Variants in ACAN observed in about 807,000 individuals in gnomAD.
ACAN encodes the protein aggrecan, also known as aggrecan core protein.
In ACAN, 47 loss-of-function variants were observed where a neutral mutation model predicts 169.1. The ratio of observed to expected loss-of-function variants is 0.28; its 90% confidence interval spans 0.22 to 0.35. The LOEUF (loss-of-function observed/expected upper bound fraction) is 0.35. Among genes scored for constraint, ACAN ranks in the 10% least tolerant of loss-of-function variants. The probability of loss-of-function intolerance (pLI) is 1.00; values close to 1 mark genes in which losing one functional copy is unlikely to be tolerated. For missense variants in ACAN, 2,716 were observed against 2,759.9 expected (o/e 0.98, Z 0.36); for synonymous variants, 1,115 against 1,112.2 (o/e 1.00, Z -0.05).
chr15:88,822,387 C>T (rs1040374837), intron 1 of ACAN, among the ~76,000 whole-genome samples: 3 of 152,134 alleles, frequency 2.0e-5, no homozygotes, highest in Non-Finnish European at 4.4e-5. Context: ...ATCCCAGGAG[C>T]GTGAACACTA....
At position 88,858,570 on chromosome 15, in the gene ACAN, C is replaced by T. The variant is rs753770648; in HGVS notation, c.5985C>T (p.Ser1995=). The T allele has an allele frequency of 1.1e-5, 18 of 1,613,806 alleles. No homozygotes were observed. The highest frequency in any genetic ancestry group is 3.3e-5 in the Admixed American group (2 of 60,020). Residue 1995 remains serine, a synonymous_variant, in exon 12 of 19, where the codon AGC becomes AGT. Transcript: ENST00000560601. The surrounding 1 kb of genome is among the most constrained non-coding windows in gnomAD (Gnocchi z 4.0). ...SGLQSGLIEP[S]GEPPGTPYFS... ...TGCAGTCCGGGCTGATAGAGCCCAG[C>T]GGAGAGCCACCAGGTACTCCATATT...
rs548360864 is a variant in ACAN at position 88,834,472 on chromosome 15, T to A, written c.-7-1728T>A. The stretch of plus-strand genomic sequence containing the variant: ...GGTGCCCCCCTCATCCCCAAATCCA[T>A]CCAGCCCCAGCCGGCGGTGACTGAG... On this transcript the variant is annotated intron_variant, in intron 1 of 18. Transcript: ENST00000560601. Among the ~76,000 whole-genome samples, 11 of 152,156 alleles carry A rather than the reference T, an allele frequency of 7.2e-5. 1 individual carries two copies. The South Asian group carries it at 2.1e-3, about 29-fold the overall frequency.
In ACAN at chr15:88,845,526, C is replaced by T; in HGVS notation, c.1073C>T (p.Pro358Leu). The change falls in exon 7 of 19, where the codon CCA (proline) becomes CTA (leucine). Residue 358 changes from proline (P) to leucine (L), a missense_variant. By Grantham distance (98) the Pro-to-Leu change is moderately conservative. Transcript: ENST00000560601. Reference sequence around the variant, plus strand: ...CTAGGTGAAGACTTTGTGGACATCCCAGAAAACTTCTTTGGAGTGGGGGGT... The same window carrying T: ...CTAGGTGAAGACTTTGTGGACATCCTAGAAAACTTCTTTGGAGTGGGGGGT... ...CYTGEDFVDIPENFFGVGGEE... is the reference protein window; with the variant it reads ...CYTGEDFVDILENFFGVGGEE... The T allele has an allele frequency of 6.2e-7, 1 of 1,610,514 alleles. No individual in the cohort carries two copies. The highest frequency in any genetic ancestry group is 1.1e-5 in the South Asian group (1 of 90,882).
Position 88,853,792 on chromosome 15 carries a change from A to G in ACAN, c.2267-1060A>G, listed in dbSNP as rs140725072. Among the ~76,000 whole-genome samples, 79 of 152,278 alleles carry G rather than the reference A, an allele frequency of 5.2e-4. 1 individual carries two copies. The East Asian group carries it at 0.015, about 29-fold the overall frequency. ...TACATACATACATACATACGTACATACATACATACCTATCAAAATAAAAAG... is the reference window on the plus strand; with the variant it reads ...TACATACATACATACATACGTACATGCATACATACCTATCAAAATAAAAAG... On this transcript the variant is annotated intron_variant, in intron 11 of 18. Transcript: ENST00000560601.
Position 88,872,218 on chromosome 15 carries a change from G to A in ACAN, c.7302+133G>A. The A allele has an allele frequency of 1.3e-6, 1 of 743,652 alleles. No homozygotes were observed. The allele number at this position is 743,652 out of a possible 1,614,324, so 46.1% of individuals were successfully genotyped here. On this transcript the variant is annotated intron_variant, in intron 16 of 18. Transcript: ENST00000560601. The surrounding 1 kb of genome is among the most constrained non-coding windows in gnomAD (Gnocchi z 5.4). Reference sequence around the variant, plus strand: ...GCTGGACCGGGAACCCTTGAGGGCAGGGATTATCTCCTTCATCTCTGCCTC... The same window carrying A: ...GCTGGACCGGGAACCCTTGAGGGCAAGGATTATCTCCTTCATCTCTGCCTC...
At chr15:88,833,097 T>A (rs1440022761) in intron 1 of ACAN, among the ~76,000 whole-genome samples, 1 of 152,126 alleles carries the variant, frequency 6.6e-6, no homozygotes, top group Admixed American at 6.5e-5. Context: ...GCCTGTTCAA[T>A]CCCATAATTT....
At chr15:88,831,865 G>A (rs996061947) in intron 1 of ACAN, among the ~76,000 whole-genome samples, 1 of 152,216 alleles carries the variant, frequency 6.6e-6, no homozygotes, top group Admixed American at 6.5e-5. Flanking sequence ...GTTGGTTGGA[G>A]GGGCCAGGAA....
In ACAN at chr15:88,874,631, A is replaced by G; in HGVS notation, c.*150A>G. On this transcript the variant is annotated 3_prime_UTR_variant, in exon 19 of 19. Coordinates refer to ENST00000560601, the MANE Select transcript of ACAN (RefSeq NM_001369268.1). The surrounding 1 kb of genome is among the most constrained non-coding windows in gnomAD (Gnocchi z 7.3). ...AAAAAAATAAATCCCACATTTGTGT[A>G]TGCACCCACTCACCCCTCCAAATCA... 1.3e-6 allele frequency: 1 copy of G among 784,622 alleles called. No homozygotes were observed. Among genetic ancestry groups the G allele is most frequent in the Non-Finnish European group, 2.2e-6 (1 of 462,534 alleles). 48.6% of individuals were successfully genotyped at this position (784,622 alleles called of 1,614,324 possible).
At chr15:88,817,644 A>G (rs978281702) in intron 1 of ACAN, among the ~76,000 whole-genome samples, 1 of 152,076 alleles carries the variant, frequency 6.6e-6, no homozygotes, top group Admixed American at 6.5e-5. Context: ...ACTTGAGCTC[A>G]GGAGTTCAAG....
At chr15:88,842,511 T>G (rs12913373) in intron 5 of ACAN, among the ~76,000 whole-genome samples, 76,419 of 149,048 alleles carry the variant, frequency 0.51, 19,618 homozygotes, top group Non-Finnish European at 0.57. Context: ...TCCCTGCCCA[T>G]CCCCCCTCCC....
chr15:88,858,231 C>A lies in ACAN; in HGVS notation c.5646C>A (p.Val1882=). ...TCAGTGGACAGTTTTCTGGAACAGTCGATTCCAGTGGGTTTACATCCCAGA... is the reference window on the plus strand; with the variant it reads ...TCAGTGGACAGTTTTCTGGAACAGTAGATTCCAGTGGGTTTACATCCCAGA... ...VDVSGQFSGT[V]DSSGFTSQTP... is the part of the protein sequence containing the mutation. The change falls in exon 12 of 19, where the codon GTC becomes GTA. Residue 1882 remains valine, a synonymous_variant. Coordinates refer to ENST00000560601, the MANE Select transcript of ACAN (RefSeq NM_001369268.1). The surrounding 1 kb of genome is among the most constrained non-coding windows in gnomAD (Gnocchi z 4.0). 6.2e-7 allele frequency: 1 copy of A among 1,613,806 alleles called. No homozygotes were observed. The highest frequency in any genetic ancestry group is 1.1e-5 in the South Asian group (1 of 91,056).
chr15:88,870,012 T>C lies in ACAN; in HGVS notation c.7061-1370T>C, dbSNP rs35148461. 0.27 allele frequency among the ~76,000 whole-genome samples: 41,246 copies of C among 152,034 alleles called. 5,727 individuals are homozygous for C. Among genetic ancestry groups the C allele is most frequent in the Non-Finnish European group, 0.29 (19,534 of 67,968 alleles). On this transcript the variant is annotated intron_variant, in intron 14 of 18. Coordinates refer to ENST00000560601, the MANE Select transcript of ACAN (RefSeq NM_001369268.1). This position sits in a 1 kb window ranked among gnomAD's most constrained non-coding sequence, Gnocchi z 6.3. ...CCTAAGTCAGCCCTAAGATGATATC[T>C]CTGGCCTCTTCAGAGTGCTGAGCTA...
Position 88,839,980 on chromosome 15 carries a change from C to A in ACAN, c.455-32C>A, listed in dbSNP as rs1417013137. On this transcript the variant is annotated intron_variant, in intron 3 of 18. Transcript: ENST00000560601. This position sits in a 1 kb window ranked among gnomAD's most constrained non-coding sequence, Gnocchi z 4.5. ...GATCAGAGACTGTGCCTGACCAGCTCTTCCGCTTGTGGGCGTGTATGTGTC... is the reference window on the plus strand; with the variant it reads ...GATCAGAGACTGTGCCTGACCAGCTATTCCGCTTGTGGGCGTGTATGTGTC... 7.6e-6 allele frequency: 12 copies of A among 1,576,554 alleles called. No individual in the cohort carries two copies. Among genetic ancestry groups the A allele is most frequent in the South Asian group, 1.2e-5 (1 of 86,056 alleles).
chr15:88,848,420 C>CA (rs140716512), intron 9 of ACAN, among the ~76,000 whole-genome samples: 4,121 of 152,158 alleles, frequency 0.027, 192 homozygotes, highest in African/African-American at 0.095. Context: ...AAAACAAAAA[C>CA]AAAAAACCTT....
In ACAN at chr15:88,839,186, T is replaced by A; in HGVS notation, c.454+140T>A. 1 of 1,084,100 alleles carries A rather than the reference T, an allele frequency of 9.2e-7. No individual in the cohort carries two copies. Among genetic ancestry groups the A allele is most frequent in the Non-Finnish European group, 1.3e-6 (1 of 757,342 alleles). The allele number at this position is 1,084,100 out of a possible 1,614,324, so 67.2% of individuals were successfully genotyped here. On this transcript the variant is annotated intron_variant, in intron 3 of 18. Coordinates refer to ENST00000560601, the MANE Select transcript of ACAN (RefSeq NM_001369268.1). The surrounding 1 kb of genome is among the most constrained non-coding windows in gnomAD (Gnocchi z 4.5). ...GCCAAGTTACTTAACTTCAGCTGCT[T>A]CCTCTGTGACATGGAGCTGGTAATA...
Position 88,814,603 on chromosome 15 carries a change from C to T in ACAN, c.-8+10794C>T, listed in dbSNP as rs992581637. ...TGTACACAGGGCTCCCACAATGCAT[C>T]ACTCCAGAGGGCGCCATTCCATTGT... On this transcript the variant is annotated intron_variant, in intron 1 of 18. Transcript: ENST00000560601. The surrounding 1 kb of genome is among the most constrained non-coding windows in gnomAD (Gnocchi z 4.0). Among the ~76,000 whole-genome samples the T allele has an allele frequency of 1.3e-5, 2 of 152,212 alleles. No individual in the cohort carries two copies. The highest frequency in any genetic ancestry group is 2.9e-5 in the Non-Finnish European group (2 of 68,038).
chr15:88,849,380 G>T lies in ACAN; in HGVS notation c.1733-58G>T. ...GAGGAACTCTGTCCTGGGTGGGCAGGGATGGACCTGGCCTGAGTGTGGGGG... is the reference window on the plus strand; with the variant it reads ...GAGGAACTCTGTCCTGGGTGGGCAGTGATGGACCTGGCCTGAGTGTGGGGG... On this transcript the variant is annotated intron_variant, in intron 9 of 18. Coordinates refer to ENST00000560601, the MANE Select transcript of ACAN (RefSeq NM_001369268.1). The surrounding 1 kb of genome is among the most constrained non-coding windows in gnomAD (Gnocchi z 5.1). 6.8e-7 allele frequency: 1 copy of T among 1,467,006 alleles called. No individual in the cohort carries two copies. Among genetic ancestry groups the T allele is most frequent in the East Asian group, 2.4e-5 (1 of 41,334 alleles). 90.9% of individuals were successfully genotyped at this position (1,467,006 alleles called of 1,614,324 possible).
chr15:88,819,054 C>T (rs573139261), intron 1 of ACAN, among the ~76,000 whole-genome samples: 102 of 152,268 alleles, frequency 6.7e-4, no homozygotes, highest in African/African-American at 2.4e-3. Flanking sequence ...GCATGAGTCC[C>T]CAGAAGGCAC....
intron 4 of ACAN, among the ~76,000 whole-genome samples, chr15:88,841,347 C>T (rs1393356847): frequency 6.6e-6 from 1 of 152,182 alleles, no homozygotes; most frequent in Non-Finnish European, 1.5e-5. Context: ...CCAAGTCCAA[C>T]CCACCCCTTG....
Sources: allele counts gnomAD v4.1 joint callset (sites outside exome capture counted in the v4.1 genomes callset), GRCh38; gene constraint gnomAD v4.1.1; non-coding constraint Gnocchi (gnomAD v3.1); transcripts MANE v1.5; gene names NCBI Gene and HGNC (gene_info 2026-07-23, HGNC 2026-07-21).